The following FRMPD4 variants were observed in gnomAD, a reference collection of about 807,000 sequenced individuals.
FRMPD4 encodes FERM and PDZ domain-containing protein 4.
FRMPD4 carries 22 observed loss-of-function variants against 94.1 expected under a neutral mutation model. The observed-to-expected ratio is 0.23, with a 90% confidence interval of 0.17 to 0.33. The LOEUF is 0.33. FRMPD4 is among the 10% of genes least tolerant of loss of function. The pLI, the probability that FRMPD4 is intolerant of heterozygous loss-of-function variation, is 1.00. For synonymous variants in FRMPD4, 631 were observed against 548.6 expected (o/e 1.15, Z -2.10); for missense variants, 1,111 against 1,339.9 (o/e 0.83, Z 2.67).
intron 1 of FRMPD4, among the ~76,000 whole-genome samples, chrX:12,300,163 G>T (rs62588580): frequency 0.023 from 2,525 of 111,547 alleles, 36 homozygotes; most frequent in Non-Finnish European, 0.033. Context: ...AGAGGACAGA[G>T]AGTTTGGATT....
At chrX:12,226,647 G>A (rs1277625093) in intron 1 of FRMPD4, among the ~76,000 whole-genome samples, 1 of 111,324 alleles carries the variant, frequency 9.0e-6, no homozygotes, top group East Asian at 2.8e-4. Flanking sequence ...AGTAGCCAGA[G>A]TATCAGAATT....
At chrX:12,048,620 T>A (rs2054799347) in intron 3 of FRMPD4, among the ~76,000 whole-genome samples, 1 of 111,994 alleles carries the variant, frequency 8.9e-6, no homozygotes, top group South Asian at 3.7e-4. Flanking sequence ...TAGTTTGAGG[T>A]CTTATATCTA....
intron 1 of FRMPD4, among the ~76,000 whole-genome samples, chrX:12,377,016 T>C (rs1473890610): frequency 8.9e-6 from 1 of 112,013 alleles, no homozygotes; most frequent in African/African-American, 3.2e-5. Context: ...TCACTCCCTG[T>C]AACAGAGGTC....
At chrX:12,404,550 G>A (rs998766128) in intron 1 of FRMPD4, among the ~76,000 whole-genome samples, 2 of 111,823 alleles carry the variant, frequency 1.8e-5, no homozygotes, top group African/African-American at 6.5e-5. Context: ...TCTGGGTAAA[G>A]TCCAAATAAC....
At chrX:12,528,093 CTATTCATT>C (rs1005478586) in intron 2 of FRMPD4, among the ~76,000 whole-genome samples, 6 of 111,807 alleles carry the variant, frequency 5.4e-5, no homozygotes, top group Admixed American at 4.8e-4. Context: ...ATTTGTTCAT[CTATTCATT>C]TATTCATCCA....
rs141295712 is a variant in FRMPD4, at chrX:12,103,372, C to T, written c.95+225354C>T. ...CCAGCCATCACAGTTAGAAAGTAAC[C>T]GACATATGATAAATATTTCATAATG... On this transcript the variant is annotated intron_variant, in intron 3 of 18. Coordinates refer to the FRMPD4 transcript ENST00000640291. 7.9e-3 allele frequency among the ~76,000 whole-genome samples: 876 copies of T among 111,463 alleles called. 12 individuals carry two copies. The highest frequency in any genetic ancestry group is 0.058 in the Admixed American group (605 of 10,460).
intron 1 of FRMPD4, among the ~76,000 whole-genome samples, chrX:12,160,019 C>T (rs2055997161): frequency 9.1e-6 from 1 of 109,691 alleles, no homozygotes; most frequent in Non-Finnish European, 1.9e-5. Flanking sequence ...TGGGAACAGG[C>T]GTGGCTCCTA....
chrX:12,463,026 C>G (rs1391693561), intron 1 of FRMPD4, among the ~76,000 whole-genome samples: 2 of 111,984 alleles, frequency 1.8e-5, no homozygotes, highest in Admixed American at 1.9e-4. Context: ...ATCTAACAAT[C>G]ATCAATGGAA....
intron 1 of FRMPD4, among the ~76,000 whole-genome samples, chrX:12,458,369 A>C (rs2057356850): frequency 8.9e-6 from 1 of 111,854 alleles, no homozygotes; most frequent in African/African-American, 3.2e-5. Context: ...GGAGGTTTTG[A>C]GGACCCCCAA....
intron 3 of FRMPD4, among the ~76,000 whole-genome samples, chrX:11,887,969 A>G (rs2147318989): frequency 8.9e-6 from 1 of 112,600 alleles, no homozygotes; most frequent in Non-Finnish European, 1.9e-5. Context: ...TTTATTTTCC[A>G]GTACAGTTAA....
At chrX:12,433,907 A>T (rs1429790570) in intron 1 of FRMPD4, among the ~76,000 whole-genome samples, 2 of 111,953 alleles carry the variant, frequency 1.8e-5, no homozygotes, top group Non-Finnish European at 3.8e-5. Context: ...GTATGACTTT[A>T]TAGGTGGAGA....
intron 1 of FRMPD4, among the ~76,000 whole-genome samples, chrX:12,264,149 T>C (rs991370765): frequency 9.0e-6 from 1 of 111,544 alleles, no homozygotes; most frequent in African/African-American, 3.3e-5. Flanking sequence ...TAGGAAAATA[T>C]TGCCATTTCC....
chrX:11,984,228 A>G (rs924342025), intron 3 of FRMPD4, among the ~76,000 whole-genome samples: 118 of 112,241 alleles, frequency 1.1e-3, no homozygotes, highest in African/African-American at 3.7e-3. Context: ...ACACTCTTAT[A>G]GTAAGCAGAT....
chrX:12,514,211 CT>C (rs2058073236), intron 2 of FRMPD4, among the ~76,000 whole-genome samples: 1 of 111,180 alleles, frequency 9.0e-6, no homozygotes, highest in South Asian at 3.8e-4. Flanking sequence ...CCCTTTCTTT[CT>C]TTCTCTTGCC....
At chrX:12,141,503 T>C (rs1014988713) in intron 1 of FRMPD4, among the ~76,000 whole-genome samples, 1 of 112,007 alleles carries the variant, frequency 8.9e-6, no homozygotes, top group African/African-American at 3.2e-5. Context: ...TACATTTAAC[T>C]ATTCGTTTCC....
At chrX:12,055,604 T>C (rs928326055) in intron 3 of FRMPD4, among the ~76,000 whole-genome samples, 1 of 111,934 alleles carries the variant, frequency 8.9e-6, no homozygotes, top group Non-Finnish European at 1.9e-5. Context: ...TCTTTATACA[T>C]TACCTAGCCT....
intron 3 of FRMPD4, among the ~76,000 whole-genome samples, chrX:11,931,767 A>G (rs2054123266): frequency 8.9e-6 from 1 of 112,298 alleles, no homozygotes; most frequent in Admixed American, 9.5e-5. Context: ...TATTTTTGAA[A>G]AGTTGCACTT....
intron 4 of FRMPD4, among the ~76,000 whole-genome samples, chrX:12,636,360 G>A: frequency 9.0e-6 from 1 of 111,222 alleles, no homozygotes; most frequent in East Asian, 2.8e-4. Flanking sequence ...TTGCATCTCT[G>A]GGTGTCATTT....
In FRMPD4 at chrX:12,180,295, G is replaced by T. The variant is rs763810481; in HGVS notation, c.41+41283G>T. Reference sequence around the variant, plus strand: ...TTATCATCTTGGACACTGCAGATGTGGAACATTTCCATTAACATAAAAAGT... The same window carrying T: ...TTATCATCTTGGACACTGCAGATGTTGAACATTTCCATTAACATAAAAAGT... On this transcript the variant is annotated intron_variant, in intron 1 of 16. Coordinates refer to ENST00000675598, the MANE Select transcript of FRMPD4 (RefSeq NM_001368397.1). Among the ~76,000 whole-genome samples, 111 of 111,991 alleles carry T rather than the reference G, an allele frequency of 9.9e-4. 1 individual carries two copies. The highest frequency in any genetic ancestry group is 2.0e-3 in the Non-Finnish European group (105 of 53,105).
Sources: gnomAD v4.1 joint callset for allele counts (sites outside exome capture counted in the v4.1 genomes callset) on GRCh38, gnomAD v4.1.1 for gene constraint, MANE v1.5 for transcripts, NCBI Gene and HGNC (gene_info 2026-07-23, HGNC 2026-07-21) for gene names.